Variants in AXIN2 observed in about 807,000 individuals in gnomAD.
The protein encoded by AXIN2 is axin-2.
In AXIN2, 21 loss-of-function variants were observed where a neutral mutation model predicts 74.7. The ratio of observed to expected loss-of-function variants is 0.28; its 90% confidence interval spans 0.20 to 0.40. The LOEUF (loss-of-function observed/expected upper bound fraction) is 0.40, where lower values mean the gene tolerates loss of function less well. Ranked by LOEUF, AXIN2 falls within the 10% of genes least tolerant of loss-of-function variation. AXIN2 has a pLI of 1.00. For synonymous variants in AXIN2, 532 were observed against 454.9 expected (o/e 1.17, Z -2.16); for missense variants, 1,144 against 1,111.1 (o/e 1.03, Z -0.42).
chr17:65,541,502 G>A lies in AXIN2; in HGVS notation c.1012C>T (p.His338Tyr), dbSNP rs748459029. 6.2e-7 allele frequency: 1 copy of A among 1,614,176 alleles called. No homozygotes were observed. The highest frequency in any genetic ancestry group is 1.1e-5 in the South Asian group (1 of 91,080). The change falls in exon 4 of 11, where the codon CAT becomes TAT. Residue 338 changes from histidine to tyrosine, a missense_variant. By Grantham distance (83) the His-to-Tyr change is moderately conservative (BLOSUM62 2). Around this residue, in one of 4 missense-constraint regions of AXIN2, gnomAD observed 1,053 missense variants for 973.5 expected, o/e 1.08. Coordinates refer to ENST00000307078, the MANE Select transcript of AXIN2 (RefSeq NM_004655.4). Reference protein sequence around the residue: ...GSKKQLQREMHRSVKANGQVS... With the variant: ...GSKKQLQREMYRSVKANGQVS... ...TGGCCATTGGCCTTCACACTGCGATGCATTTCTCTCTGGAGCTGTTTCTTA... is the reference window on the plus strand; with the variant it reads ...TGGCCATTGGCCTTCACACTGCGATACATTTCTCTCTGGAGCTGTTTCTTA...
At chr17:65,534,137 G>A (rs2144420950) in intron 9 of AXIN2, 58 bp from the exon 10 acceptor site, 4 of 1,593,950 alleles carry the variant, frequency 2.5e-6, no homozygotes, top group Non-Finnish European at 3.4e-6. Context: ...CACATCTAAA[G>A]CAAACACACA....
chr17:65,539,513 T>G (rs554044945), intron 4 of AXIN2, among the ~76,000 whole-genome samples: 2 of 152,342 alleles, frequency 1.3e-5, no homozygotes, highest in African/African-American at 4.8e-5. Flanking sequence ...CTTTTCTTTG[T>G]TAACTCACAT....
intron 10 of AXIN2, among the ~76,000 whole-genome samples, chr17:65,533,336 G>A (rs552019330): frequency 2.6e-5 from 4 of 152,328 alleles, no homozygotes; most frequent in South Asian, 2.1e-4. Flanking sequence ...GGACAAAGGC[G>A]CATCTCTGCT....
At chr17:65,532,340 C>T (rs974785228) in intron 10 of AXIN2, among the ~76,000 whole-genome samples, 9 of 152,186 alleles carry the variant, frequency 5.9e-5, no homozygotes, top group Non-Finnish European at 1.2e-4. Context: ...GAAGTCCAGC[C>T]GAGACAAAGC....
chr17:65,553,122 C>T (rs180722869), intron 2 of AXIN2, among the ~76,000 whole-genome samples: 121 of 152,352 alleles, frequency 7.9e-4, no homozygotes, highest in Non-Finnish European at 1.5e-3. Context: ...TCTATAATGA[C>T]TGGACACTGG....
At chr17:65,537,246 C>G (rs1249836858) in intron 6 of AXIN2, 78 bp downstream of exon 6, 3 of 1,599,290 alleles carry the variant, frequency 1.9e-6, no homozygotes, top group Non-Finnish European at 2.6e-6. Context: ...TGTAATGCGG[C>G]TCCCACCTCA....
chr17:65,550,500 CTT>C (rs993723050), intron 2 of AXIN2, among the ~76,000 whole-genome samples: 12 of 152,186 alleles, frequency 7.9e-5, no homozygotes, highest in African/African-American at 2.7e-4. Flanking sequence ...CCGCATTCCT[CTT>C]GTGTCACCAG....
intron 4 of AXIN2, among the ~76,000 whole-genome samples, chr17:65,539,533 T>A (rs779927547): frequency 6.6e-6 from 1 of 152,102 alleles, no homozygotes; most frequent in African/African-American, 2.4e-5. Context: ...TATCCCCCAG[T>A]CAAAAAAACA....
chr17:65,535,818 G>T (rs2144434730), intron 8 of AXIN2, 97 bp from the exon 9 acceptor site: 1 of 1,115,054 alleles, frequency 9.0e-7, no homozygotes. Context: ...CTCCTGAAGA[G>T]ACACGAACCC....
chr17:65,528,934 T>C lies in AXIN2; in HGVS notation c.*1042A>G, dbSNP rs1008311347. 4 of 295,924 alleles carry C rather than the reference T, an allele frequency of 1.4e-5. No individual in the cohort carries two copies. Among genetic ancestry groups the C allele is most frequent in the Middle Eastern group, 6.8e-4 (1 of 1,464 alleles). The allele number at this position is 295,924 out of a possible 1,614,324, so 18.3% of individuals were successfully genotyped here. A position where few individuals can be genotyped will look rare whatever the true frequency, so the allele number is the denominator to read the frequency against. ...ACAAGTAACAATGGCAAACAGAATG[T>C]ACAGATTAACTTAACACAAAAACCC... On this transcript the variant is annotated 3_prime_UTR_variant, in exon 11 of 11. Coordinates refer to ENST00000307078, the MANE Select transcript of AXIN2 (RefSeq NM_004655.4).
intron 9 of AXIN2, 31 bp downstream of exon 9, chr17:65,535,595 G>A (rs761062714): frequency 1.9e-6 from 3 of 1,590,716 alleles, no homozygotes; most frequent in East Asian, 2.2e-5. Context: ...GCACTCGGCA[G>A]ATCTCAGTAA....
intron 10 of AXIN2, among the ~76,000 whole-genome samples, chr17:65,530,579 G>A (rs1426190323): frequency 3.3e-5 from 5 of 152,306 alleles, no homozygotes; most frequent in Non-Finnish European, 5.9e-5. Context: ...GGAACCTGCC[G>A]AAGTCTGTAA....
At position 65,550,113 on chromosome 17, in the gene AXIN2, A is replaced by G. The variant is rs550462335; in HGVS notation, c.816-453T>C. Among the ~76,000 whole-genome samples the G allele has an allele frequency of 1.5e-4, 23 of 152,292 alleles. No homozygotes were observed. In the South Asian group the frequency reaches 4.6e-3, roughly 30 times the overall value. On this transcript the variant is annotated intron_variant, in intron 2 of 10. Coordinates refer to ENST00000307078, the MANE Select transcript of AXIN2 (RefSeq NM_004655.4). Reference sequence around the variant, plus strand: ...GGCCCCAAGACATCTTAAGTACCTAAACTCCTTGTCTGGGGTCTGTTAGCC... The same window carrying G: ...GGCCCCAAGACATCTTAAGTACCTAGACTCCTTGTCTGGGGTCTGTTAGCC...
intron 2 of AXIN2, among the ~76,000 whole-genome samples, chr17:65,556,224 G>A (rs1282262271): frequency 3.3e-5 from 5 of 152,168 alleles, no homozygotes; most frequent in African/African-American, 7.2e-5. Flanking sequence ...CTCTGGTCCC[G>A]GCAGTGGGAG....
chr17:65,536,840 C>T (rs1296353967), intron 7 of AXIN2, 29 bp downstream of exon 7: 3 of 1,612,152 alleles, frequency 1.9e-6, no homozygotes, highest in African/African-American at 2.7e-5. Context: ...ATGACCCTCG[C>T]GGCCGCGGCG....
rs1368446764 is a variant in AXIN2 at position 65,529,483 on chromosome 17, G to A, written c.*493C>T. On this transcript the variant is annotated 3_prime_UTR_variant, in exon 11 of 11. Transcript: ENST00000307078. ...ATTCCTCTGTTAGTGAAGAAACCATGAACGCACTCCTAGCTCAACTCCTAA... is the reference window on the plus strand; with the variant it reads ...ATTCCTCTGTTAGTGAAGAAACCATAAACGCACTCCTAGCTCAACTCCTAA... The A allele has an allele frequency of 6.9e-6, 2 of 289,710 alleles. No homozygotes were observed. Among genetic ancestry groups the A allele is most frequent in the East Asian group, 5.1e-5 (1 of 19,688 alleles). The allele number at this position is 289,710 out of a possible 1,614,324, so 17.9% of individuals were successfully genotyped here.
Position 65,537,624 on chromosome 17 carries a change from T to C in AXIN2, c.1412A>G (p.His471Arg). 2 of 1,594,046 alleles carry C rather than the reference T, an allele frequency of 1.3e-6. No homozygotes were observed. The highest frequency in any genetic ancestry group is 1.7e-6 in the Non-Finnish European group (2 of 1,172,632). ...SPRSRSPDHHHHHHSQYHSLL... is the reference protein window; with the variant it reads ...SPRSRSPDHHRHHHSQYHSLL... ...GGAGTGGTACTGCGAATGGTGGTGG[T>C]GGTGGTGGTCCGGGGAGCGGGAGCG... is the stretch of plus-strand genomic sequence containing the variant. Residue 471 changes from histidine (H) to arginine (R), a missense_variant, in exon 6 of 11, where the codon CAC (histidine) becomes CGC (arginine). Around this residue, in one of 4 missense-constraint regions of AXIN2, gnomAD observed 1,053 missense variants for 973.5 expected, o/e 1.08. Coordinates refer to ENST00000307078, the MANE Select transcript of AXIN2 (RefSeq NM_004655.4).
rs1355529255 is a variant in AXIN2, at chr17:65,537,707, C to G, written c.1329G>C (p.Leu443=). Residue 443 remains leucine, a synonymous_variant, in exon 6 of 11, where the codon CTG becomes CTC. Coordinates refer to ENST00000307078, the MANE Select transcript of AXIN2 (RefSeq NM_004655.4). ...EDPQTILDDH[L]SRVLKTPGCQ... is the part of the protein sequence containing the mutation. ...AGCCAGGGGTCTTGAGGACCCTGGA[C>G]AGGTGATCGTCCAGTATCGTCTGCG... 1 of 1,558,746 alleles carries G rather than the reference C, an allele frequency of 6.4e-7. No individual in the cohort carries two copies. The highest frequency in any genetic ancestry group is 8.7e-7 in the Non-Finnish European group (1 of 1,151,700).
At chr17:65,534,208 A>C in intron 9 of AXIN2, 129 bp from the exon 10 acceptor site, 1 of 1,190,832 alleles carries the variant, frequency 8.4e-7, no homozygotes, top group Non-Finnish European at 1.2e-6. Context: ...TTGTAAACCC[A>C]AAGTGGGGGC....
Sources: gnomAD v4.1 joint callset for allele counts (sites outside exome capture counted in the v4.1 genomes callset) on GRCh38, gnomAD v4.1.1 for gene constraint, gnomAD v4.1.1 regional missense constraint, MANE v1.5 for transcripts, NCBI Gene and HGNC (gene_info 2026-07-23, HGNC 2026-07-21) for gene names.